Variants in BANK1 observed in about 807,000 individuals in gnomAD.
BANK1 encodes B cell scaffold protein with ankyrin repeats 1.
In BANK1, 95 loss-of-function variants were observed where a neutral mutation model predicts 94.5. The ratio of observed to expected loss-of-function variants is 1.00; its 90% CI spans 0.85 to 1.19. The LOEUF (loss-of-function observed/expected upper bound fraction) is 1.19. Ranked by LOEUF, BANK1 falls within the 50% of genes most tolerant of loss-of-function variation. The probability of loss-of-function intolerance (pLI) is 0.00; values close to 1 mark genes in which losing one functional copy is unlikely to be tolerated. For missense variants in BANK1, 987 were observed against 932.2 expected (o/e 1.06, Z -0.77); for synonymous variants, 334 against 308.4 (o/e 1.08, Z -0.87).
intron 1 of BANK1, among the ~76,000 whole-genome samples, chr4:101,797,134 T>A (rs2148848700): frequency 6.6e-6 from 1 of 152,326 alleles, no homozygotes; most frequent in African/African-American, 2.4e-5. Context: ...GTGTTATTAA[T>A]GTTCACCTTA....
rs115422957 is a variant in BANK1 at position 101,881,706 on chromosome 4, A to G, written c.903+11062A>G. On this transcript the variant is annotated intron_variant, in intron 5 of 16. Transcript: ENST00000322953. Reference sequence around the variant, plus strand: ...AATGAATGGATAAAGCAAATGTCATACTTATACACAAGGGAGTACTATTCA... The same window carrying G: ...AATGAATGGATAAAGCAAATGTCATGCTTATACACAAGGGAGTACTATTCA... 4.4e-3 allele frequency among the ~76,000 whole-genome samples: 666 copies of G among 152,290 alleles called. 9 individuals are homozygous for G. Among genetic ancestry groups the G allele is most frequent in the African/African-American group, 0.015 (630 of 41,584 alleles).
rs28882456 is a variant in BANK1, at chr4:101,904,720, T to A, written c.1009+9310T>A. On this transcript the variant is annotated intron_variant, in intron 6 of 16. Coordinates refer to ENST00000322953, the MANE Select transcript of BANK1 (RefSeq NM_017935.5). ...TGTAATAAATCTCTTCCCCATAAAT[T>A]TATAGGTACAGAAGTTATAATTGGT... is the stretch of plus-strand genomic sequence containing the variant. Among the ~76,000 whole-genome samples the A allele has an allele frequency of 6.5e-3, 992 of 152,278 alleles. 12 individuals carry two copies. The highest frequency in any genetic ancestry group is 0.022 in the African/African-American group (919 of 41,548).
chr4:101,916,352 T>C (rs1560631503), intron 6 of BANK1, among the ~76,000 whole-genome samples: 1 of 152,034 alleles, frequency 6.6e-6, no homozygotes, highest in Non-Finnish European at 1.5e-5. Flanking sequence ...GTCATTCTAC[T>C]CTGAATGAAT....
intron 1 of BANK1, among the ~76,000 whole-genome samples, chr4:101,810,076 G>A (rs1266557784): frequency 6.6e-6 from 1 of 152,160 alleles, no homozygotes; most frequent in African/African-American, 2.4e-5. Flanking sequence ...CCAGAGAAAT[G>A]GCAGCATGAG....
intron 2 of BANK1, among the ~76,000 whole-genome samples, chr4:101,839,961 TTTTTTTTTTTTTTTTTTTTTTTTTTG>T: frequency 1.4e-5 from 1 of 70,538 alleles, no homozygotes; most frequent in Non-Finnish European, 2.8e-5. Context: ...TTTTTTTTTT[TTTTTTTTTTTTTTTTTTTTTTTTTTG>T]AGACAGAGTC....
chr4:102,030,329 G>C lies in BANK1; in HGVS notation c.1900+64G>C, dbSNP rs925094157. 116 of 1,461,706 alleles carry C rather than the reference G, an allele frequency of 7.9e-5. No individual in the cohort carries two copies. The East Asian group carries it at 2.7e-3, about 33-fold the overall frequency. The allele number at this position is 1,461,706 out of a possible 1,614,324, so 90.5% of individuals were successfully genotyped here. A position where few individuals can be genotyped will look rare whatever the true frequency, so the allele number is the denominator to read the frequency against. On this transcript the variant is annotated intron_variant, in intron 10 of 16. Transcript: ENST00000322953. The stretch of plus-strand genomic sequence containing the variant: ...TTGTCCAAAATTTTGAGGATGGGAG[G>C]AGGGGATAAGGTGATGCAATTAATG...
At chr4:101,833,871 C>G (rs909420436) in intron 2 of BANK1, among the ~76,000 whole-genome samples, 1 of 152,134 alleles carries the variant, frequency 6.6e-6, no homozygotes, top group African/African-American at 2.4e-5. Flanking sequence ...CTCTTTTTCT[C>G]TCTCTCTTTT....
intron 2 of BANK1, among the ~76,000 whole-genome samples, chr4:101,839,067 A>C (rs1187246777): frequency 6.6e-6 from 1 of 152,208 alleles, no homozygotes; most frequent in Non-Finnish European, 1.5e-5. Context: ...ACTAAATTAA[A>C]AAATAAAGAT....
intron 5 of BANK1, among the ~76,000 whole-genome samples, chr4:101,884,300 C>T (rs1003894565): frequency 2.6e-5 from 4 of 152,074 alleles, no homozygotes; most frequent in Non-Finnish European, 5.9e-5. Context: ...GTCAATTTAA[C>T]TTGAGTTTTC....
At chr4:101,904,511 G>T (rs1219309976) in intron 6 of BANK1, among the ~76,000 whole-genome samples, 1 of 152,170 alleles carries the variant, frequency 6.6e-6, no homozygotes, top group Non-Finnish European at 1.5e-5. Flanking sequence ...CTTAACAATG[G>T]CCTCCATCAA....
rs199530794 is a variant in BANK1, at chr4:102,030,306, G to A, written c.1900+41G>A. The A allele has an allele frequency of 9.6e-5, 146 of 1,517,580 alleles. No individual in the cohort carries two copies. In the African/African-American group the frequency reaches 1.8e-3, roughly 18 times the overall value. The allele number at this position is 1,517,580 out of a possible 1,614,324, so 94.0% of individuals were successfully genotyped here. Reference sequence around the variant, plus strand: ...GTTTGTTTACTTGTTAATTTTTTTTGTCCAAAATTTTGAGGATGGGAGGAG... The same window carrying A: ...GTTTGTTTACTTGTTAATTTTTTTTATCCAAAATTTTGAGGATGGGAGGAG... On this transcript the variant is annotated intron_variant, in intron 10 of 16. Transcript: ENST00000322953.
chr4:101,851,573 G>A (rs1050204703), intron 2 of BANK1, among the ~76,000 whole-genome samples: 17 of 152,046 alleles, frequency 1.1e-4, no homozygotes, highest in African/African-American at 3.9e-4. Flanking sequence ...CTTGGGTGGC[G>A]GTTTATATTT....
At position 101,829,831 on chromosome 4, in the gene BANK1, A is replaced by T. The variant is rs781491780; in HGVS notation, c.94A>T (p.Ile32Leu). 5.8e-6 allele frequency: 9 copies of T among 1,557,746 alleles called. No individual in the cohort carries two copies. In the East Asian group the frequency reaches 2.0e-4, roughly 35 times the overall value. ...AGGAAATACAAAAGATATAATAATG[A>T]TATATGAAGAAGATGCTGAGGAATG... Reference protein sequence around the residue: ...PPGNTKDIIMIYEEDAEEWAL... With the variant: ...PPGNTKDIIMLYEEDAEEWAL... The change falls in exon 2 of 17, where the codon ATA becomes TTA. Residue 32 changes from isoleucine (I) to leucine (L), a missense_variant. Physicochemically the swap from Ile to Leu is conservative, Grantham distance 5. Coordinates refer to ENST00000322953, the MANE Select transcript of BANK1 (RefSeq NM_017935.5).
At chr4:102,037,641 C>T (rs528277673) in intron 10 of BANK1, among the ~76,000 whole-genome samples, 7 of 152,162 alleles carry the variant, frequency 4.6e-5, no homozygotes, top group South Asian at 2.1e-4. Context: ...CCAGATGGAA[C>T]GGAATTTTAC....
chr4:102,071,722 C>G (rs115264091), intron 14 of BANK1, among the ~76,000 whole-genome samples: 2,940 of 152,242 alleles, frequency 0.019, 93 homozygotes, highest in African/African-American at 0.067. Context: ...ACTGATAAAG[C>G]AAATGAAATT....
At chr4:101,861,532 G>T (rs1168894326) in intron 3 of BANK1, among the ~76,000 whole-genome samples, 1 of 151,970 alleles carries the variant, frequency 6.6e-6, no homozygotes, top group African/African-American at 2.4e-5. Context: ...CATGGGGTTC[G>T]ACAGCATGAT....
At chr4:101,955,221 G>A (rs943942637) in intron 7 of BANK1, among the ~76,000 whole-genome samples, 2 of 152,104 alleles carry the variant, frequency 1.3e-5, no homozygotes, top group African/African-American at 4.8e-5. Context: ...TAAAAGAGAT[G>A]ATACGGTTAA....
chr4:101,830,152 A>C lies in BANK1; in HGVS notation c.415A>C (p.Thr139Pro). The C allele has an allele frequency of 1.2e-6, 2 of 1,604,766 alleles. No individual in the cohort carries two copies. The highest frequency in any genetic ancestry group is 1.7e-6 in the Non-Finnish European group (2 of 1,177,118). ...NISQSRWEIS[T>P]EQEPEDYISV... is the part of the protein sequence containing the mutation. ...CTCTCAAAGCAGATGGGAGATCTCA[A>C]CTGAACAGGAACCTGAAGACTACAT... The change falls in exon 2 of 17, where the codon ACT (threonine) becomes CCT (proline). Residue 139 changes from threonine to proline, a missense_variant. By Grantham distance (38) the Thr-to-Pro change is conservative (BLOSUM62 -1). Transcript: ENST00000322953.
At chr4:102,030,422 T>C (rs879457725) in intron 10 of BANK1, among the ~76,000 whole-genome samples, 157 bp downstream of exon 10, 6 of 152,090 alleles carry the variant, frequency 3.9e-5, no homozygotes, top group Non-Finnish European at 7.4e-5. Flanking sequence ...TCATTTTTTT[T>C]CCACTAAGAG....
Sources: allele counts gnomAD v4.1 joint callset (sites outside exome capture counted in the v4.1 genomes callset), GRCh38; gene constraint gnomAD v4.1.1; transcripts MANE v1.5; gene names NCBI Gene and HGNC (gene_info 2026-07-23, HGNC 2026-07-21).